The following WDR27 variants were observed in gnomAD, a reference collection of about 807,000 sequenced individuals.
The protein encoded by WDR27 is WD repeat-containing protein 27.
WDR27 carries 100 observed loss-of-function variants against 114.4 expected under a neutral mutation model. The ratio of observed to expected loss-of-function variants is 0.87; its 90% confidence interval spans 0.74 to 1.03. The LOEUF (loss-of-function observed/expected upper bound fraction) is 1.03. Among genes scored for constraint, WDR27 ranks in the 50% least tolerant of loss-of-function variants. The probability of loss-of-function intolerance (pLI) is 0.00; values close to 1 mark genes in which losing one functional copy is unlikely to be tolerated. For synonymous variants in WDR27, 449 were observed against 423.1 expected (o/e 1.06, Z -0.75); for missense variants, 1,129 against 1,092.9 (o/e 1.03, Z -0.47).
At chr6:169,693,077 T>C (rs1211447964) in intron 1 of WDR27, among the ~76,000 whole-genome samples, 1 of 152,194 alleles carries the variant, frequency 6.6e-6, no homozygotes, top group African/African-American at 2.4e-5. Flanking sequence ...AAAGAATCTT[T>C]AGAGCTGTGA....
chr6:169,570,516 G>T (rs2128126397), intron 25 of WDR27, among the ~76,000 whole-genome samples: 1 of 152,292 alleles, frequency 6.6e-6, no homozygotes, highest in East Asian at 1.9e-4. Context: ...ATTCTCAGCA[G>T]TCCTTTCTGT....
chr6:169,446,108 C>G, the WDR27 span, among the ~76,000 whole-genome samples: 2 of 152,266 alleles, frequency 1.3e-5, no homozygotes, highest in African/African-American at 4.8e-5. Context: ...TGAGCTCCGG[C>G]CCGGACGGAG....
At position 169,662,116 on chromosome 6, in the gene WDR27, C is replaced by T. The variant is rs193287935; in HGVS notation, c.1025+188G>A. Among the ~76,000 whole-genome samples the T allele has an allele frequency of 7.8e-4, 119 of 152,290 alleles. 1 individual carries two copies. Among genetic ancestry groups the T allele is most frequent in the Non-Finnish European group, 1.3e-3 (91 of 68,016 alleles). ...CAATTCCTTTTATTAAAGACACTTA[C>T]GTATCATTGCCCAAGTTTACCAACT... On this transcript the variant is annotated intron_variant, in intron 9 of 25. Transcript: ENST00000448612.
intron 25 of WDR27, among the ~76,000 whole-genome samples, chr6:169,542,465 TAA>T (rs1281278292): frequency 6.6e-6 from 1 of 152,152 alleles, no homozygotes. Flanking sequence ...TGTACTTTTT[TAA>T]AATGTCAAGG....
intron 10 of WDR27, among the ~76,000 whole-genome samples, chr6:169,660,124 T>G (rs1825626636): frequency 7.5e-6 from 1 of 133,418 alleles, no homozygotes; most frequent in Admixed American, 8.4e-5. Context: ...CCTGGGCTCC[T>G]GGGCAGAAAG....
intron 25 of WDR27, among the ~76,000 whole-genome samples, chr6:169,570,808 C>A (rs9396944): frequency 6.6e-6 from 1 of 152,058 alleles, no homozygotes; most frequent in East Asian, 1.9e-4. Context: ...CAGCCTGGGC[C>A]ACAAGAGCGA....
chr6:169,595,350 A>T (rs1471963163), intron 23 of WDR27, among the ~76,000 whole-genome samples: 1 of 152,186 alleles, frequency 6.6e-6, no homozygotes, highest in Non-Finnish European at 1.5e-5. Flanking sequence ...GTTATCTTTT[A>T]TTAAAAGCTT....
chr6:169,495,698 A>G (rs1790313250), intron 25 of WDR27, among the ~76,000 whole-genome samples: 1 of 152,128 alleles, frequency 6.6e-6, no homozygotes, highest in Admixed American at 6.5e-5. Flanking sequence ...TCCTATAAAC[A>G]TAAAATCTAC....
At chr6:169,480,691 CT>C (rs1787901980) in intron 25 of WDR27, among the ~76,000 whole-genome samples, 1 of 151,488 alleles carries the variant, frequency 6.6e-6, no homozygotes, top group African/African-American at 2.4e-5. Context: ...AATCAGCACC[CT>C]GTGTCTAACT....
chr6:169,570,673 A>G (rs1801249104), intron 25 of WDR27, among the ~76,000 whole-genome samples: 1 of 152,154 alleles, frequency 6.6e-6, no homozygotes. Flanking sequence ...TACTAAAAAT[A>G]CAAAAATTAG....
the WDR27 span, among the ~76,000 whole-genome samples, chr6:169,427,402 C>T: frequency 5.3e-5 from 8 of 151,974 alleles, no homozygotes; most frequent in Non-Finnish European, 2.9e-5. Flanking sequence ...ACTCTGGGGA[C>T]ATCTAAAAAG....
chr6:169,581,389 T>C (rs1803396346), intron 24 of WDR27, among the ~76,000 whole-genome samples: 1 of 152,066 alleles, frequency 6.6e-6, no homozygotes, highest in Non-Finnish European at 1.5e-5. Flanking sequence ...CACCCCTCCA[T>C]CTCACTGCCC....
At chr6:169,552,481 G>A (rs901777098) in intron 25 of WDR27, among the ~76,000 whole-genome samples, 1 of 152,112 alleles carries the variant, frequency 6.6e-6, no homozygotes, top group Non-Finnish European at 1.5e-5. Context: ...TTTAACAGCC[G>A]TACACCCTGC....
intron 7 of WDR27, 153 bp from the exon 8 acceptor site, chr6:169,664,439 C>T: frequency 6.7e-7 from 1 of 1,502,374 alleles, no homozygotes; most frequent in Non-Finnish European, 8.8e-7. Flanking sequence ...CTCCTGCCTT[C>T]AACATCCCCT....
intron 15 of WDR27, 111 bp downstream of exon 15, chr6:169,649,087 A>C: frequency 1.2e-6 from 1 of 831,782 alleles, no homozygotes; most frequent in Non-Finnish European, 2.0e-6. Context: ...TATGTGTGTA[A>C]ACACATGTAC....
intron 25 of WDR27, among the ~76,000 whole-genome samples, chr6:169,490,128 G>A (rs754499620): frequency 5.9e-5 from 9 of 152,192 alleles, no homozygotes; most frequent in Non-Finnish European, 8.8e-5. Flanking sequence ...AGGGTCCACG[G>A]CATATTTCTT....
rs1047331264 is a variant in WDR27, at chr6:169,554,104, G to A, written c.2645+18315C>T. 9.2e-5 allele frequency among the ~76,000 whole-genome samples: 14 copies of A among 152,284 alleles called. 1 individual carries two copies. The highest frequency in any genetic ancestry group is 6.2e-4 in the South Asian group (3 of 4,832). Reference sequence around the variant, plus strand: ...CAAAGTCCTGATTACCTGAGGAAACGAAGTAATAACCAAGTGGAATAAGGC... The same window carrying A: ...CAAAGTCCTGATTACCTGAGGAAACAAAGTAATAACCAAGTGGAATAAGGC... On this transcript the variant is annotated intron_variant, in intron 25 of 25. Transcript: ENST00000448612.
chr6:169,602,293 T>G lies in WDR27; in HGVS notation c.2350A>C (p.Thr784Pro), dbSNP rs1264542018. 1.3e-6 allele frequency: 2 copies of G among 1,562,046 alleles called. No individual in the cohort carries two copies. The highest frequency in any genetic ancestry group is 1.7e-6 in the Non-Finnish European group (2 of 1,151,696). The change falls in exon 23 of 26, where the codon ACC (threonine) becomes CCC (proline). Residue 784 changes from threonine to proline, a missense_variant. By Grantham distance (38) the Thr-to-Pro change is conservative. Coordinates refer to ENST00000448612, the MANE Select transcript of WDR27 (RefSeq NM_182552.5). ...RCERHFEGHPTRGYPCGIAFS... is the reference protein window; with the variant it reads ...RCERHFEGHPPRGYPCGIAFS... ...GCGATTCCACATGGATAGCCGCGGGTTGGATGCCCTTCAAAGTGGCGCTCA... is the reference window on the plus strand; with the variant it reads ...GCGATTCCACATGGATAGCCGCGGGGTGGATGCCCTTCAAAGTGGCGCTCA...
the WDR27 span, among the ~76,000 whole-genome samples, chr6:169,447,799 T>C: frequency 1.3e-5 from 2 of 152,248 alleles, no homozygotes; most frequent in East Asian, 3.8e-4. Flanking sequence ...TCTTCAGGGA[T>C]TCTAACTGGG....
Sources: allele counts gnomAD v4.1 joint callset (sites outside exome capture counted in the v4.1 genomes callset), GRCh38; gene constraint gnomAD v4.1.1; transcripts MANE v1.5; gene names NCBI Gene and HGNC (gene_info 2026-07-23, HGNC 2026-07-21).